ERBB4: variants seen among roughly 807,000 people sequenced by gnomAD.
The protein encoded by ERBB4 is erb-b2 receptor tyrosine kinase 4.
A neutral mutation model predicts 158.0 loss-of-function variants in ERBB4; 42 were observed. The observed-to-expected ratio is 0.27, with a 90% CI of 0.21 to 0.34. ERBB4 has a LOEUF of 0.34. Among genes scored for constraint, ERBB4 ranks in the 10% least tolerant of loss-of-function variants. The pLI is 1.00. For missense variants in ERBB4, 1,333 were observed against 1,624.1 expected, an observed-to-expected ratio of 0.82 and a Z score of 3.08; for synonymous variants, 583 against 558.7, an observed-to-expected ratio of 1.04 and a Z score of -0.61.
intron 23 of ERBB4, among the ~76,000 whole-genome samples, chr2:211,423,790 A>G (rs1384962498): frequency 6.6e-6 from 1 of 151,408 alleles, no homozygotes; most frequent in East Asian, 1.9e-4. Context: ...GTAGCCTGAT[A>G]TTTTCCCATA....
chr2:211,609,650 T>C (rs981991589), intron 19 of ERBB4, among the ~76,000 whole-genome samples: 39 of 152,190 alleles, frequency 2.6e-4, no homozygotes, highest in Admixed American at 2.2e-3. Context: ...TCAAGTGATC[T>C]TCTCACCTCA....
chr2:211,915,469 TATTA>T (rs1575370249), intron 3 of ERBB4, among the ~76,000 whole-genome samples: 2 of 143,344 alleles, frequency 1.4e-5, no homozygotes, highest in Admixed American at 6.8e-5. Context: ...CCAATACAAT[TATTA>T]ATTATTTTTA....
chr2:212,310,083 C>T (rs2086972548), intron 1 of ERBB4, among the ~76,000 whole-genome samples: 3 of 150,432 alleles, frequency 2.0e-5, no homozygotes, highest in African/African-American at 7.3e-5. Context: ...CTATAATAAA[C>T]TGCCCCTCAG....
At chr2:211,920,928 G>GTA (rs1263059658) in intron 3 of ERBB4, among the ~76,000 whole-genome samples, 2 of 151,666 alleles carry the variant, frequency 1.3e-5, no homozygotes, top group Non-Finnish European at 2.9e-5. Context: ...TTTGAATTAT[G>GTA]TTTATTAATA....
At chr2:211,843,515 A>G (rs2077521864) in intron 3 of ERBB4, among the ~76,000 whole-genome samples, 1 of 152,026 alleles carries the variant, frequency 6.6e-6, no homozygotes, top group Admixed American at 6.6e-5. Context: ...TGGTATTTTA[A>G]AAGTCCTCTT....
chr2:211,601,428 T>TAAGTTTCCGGATTCA (rs2068796734), intron 19 of ERBB4, among the ~76,000 whole-genome samples: 1 of 151,522 alleles, frequency 6.6e-6, no homozygotes, highest in African/African-American at 2.4e-5. Context: ...CTGAAAGACA[T>TAAGTTTCCGGATTCA]AAGTTTCCGG....
rs144251902 is a variant in ERBB4, at chr2:211,862,080, A to C, written c.422-73921T>G. Among the ~76,000 whole-genome samples the C allele has an allele frequency of 5.9e-3, 892 of 152,326 alleles. 8 individuals are homozygous for C. The highest frequency in any genetic ancestry group is 0.02 in the African/African-American group (845 of 41,588). ...TTTATTTAACCTTGCTGTTACTAAAATATTTAAAGACACAGATAAAAGGTA... is the reference window on the plus strand; with the variant it reads ...TTTATTTAACCTTGCTGTTACTAAACTATTTAAAGACACAGATAAAAGGTA... On this transcript the variant is annotated intron_variant, in intron 3 of 27. Coordinates refer to ENST00000342788, the MANE Select transcript of ERBB4 (RefSeq NM_005235.3).
At chr2:211,627,470 T>A (rs6707492) in intron 17 of ERBB4, among the ~76,000 whole-genome samples, 142,272 of 152,342 alleles carry the variant, frequency 0.93, 66,959 homozygotes, top group East Asian at 1. Context: ...GATAACTTTA[T>A]TCCCTAGAAA....
intron 1 of ERBB4, among the ~76,000 whole-genome samples, chr2:212,411,286 G>T (rs2106487801): frequency 6.6e-6 from 1 of 152,036 alleles, no homozygotes. Context: ...GTCCTTAAAT[G>T]CCTCTTATCA....
At chr2:211,794,489 T>G (rs1346654237) in intron 3 of ERBB4, among the ~76,000 whole-genome samples, 2 of 151,930 alleles carry the variant, frequency 1.3e-5, no homozygotes, top group Non-Finnish European at 2.9e-5. Context: ...AAGCACATAG[T>G]AGAATTTCAA....
chr2:211,391,158 G>GT (rs2062790774), intron 25 of ERBB4, among the ~76,000 whole-genome samples: 1 of 152,100 alleles, frequency 6.6e-6, no homozygotes, highest in South Asian at 2.1e-4. Flanking sequence ...TGTTTTTGCT[G>GT]TTTTTAGTTT....
In ERBB4 at chr2:211,821,327, T is replaced by C. The variant is rs185938039; in HGVS notation, c.422-33168A>G. On this transcript the variant is annotated intron_variant, in intron 3 of 27. Coordinates refer to ENST00000342788, the MANE Select transcript of ERBB4 (RefSeq NM_005235.3). ...AAATTTAACCAAGTAGGTAAAATAA[T>C]TGGACAAGGAAAACTACAAAACACT... Among the ~76,000 whole-genome samples, 295 of 151,730 alleles carry C rather than the reference T, an allele frequency of 1.9e-3. 1 individual carries two copies. Among genetic ancestry groups the C allele is most frequent in the Non-Finnish European group, 2.4e-3 (164 of 67,708 alleles).
intron 1 of ERBB4, among the ~76,000 whole-genome samples, chr2:212,296,249 T>C (rs1408866716): frequency 6.6e-6 from 1 of 151,898 alleles, no homozygotes; most frequent in Non-Finnish European, 1.5e-5. Flanking sequence ...CAGACAGATA[T>C]TGTAGAGTCC....
intron 1 of ERBB4, among the ~76,000 whole-genome samples, chr2:212,261,917 A>G (rs1047412661): frequency 2.0e-5 from 3 of 152,132 alleles, no homozygotes; most frequent in Non-Finnish European, 4.4e-5. Flanking sequence ...AAAAATATAA[A>G]ATTAAATTTA....
chr2:211,877,627 C>T (rs2078542884), intron 3 of ERBB4, among the ~76,000 whole-genome samples: 1 of 151,464 alleles, frequency 6.6e-6, no homozygotes, highest in African/African-American at 2.4e-5. Flanking sequence ...ATGTTTGCTA[C>T]TATACAGTCA....
intron 3 of ERBB4, among the ~76,000 whole-genome samples, chr2:211,919,708 T>C (rs2079804756): frequency 2.0e-5 from 3 of 151,978 alleles, no homozygotes; most frequent in Non-Finnish European, 1.5e-5. Context: ...AATATAAAAG[T>C]GATTAGTGTT....
chr2:211,445,845 A>C (rs975634994), intron 20 of ERBB4, among the ~76,000 whole-genome samples: 1 of 152,116 alleles, frequency 6.6e-6, no homozygotes, highest in Non-Finnish European at 1.5e-5. Flanking sequence ...TGAAATATTT[A>C]TATGATGCAT....
chr2:212,183,787 A>G lies in ERBB4; in HGVS notation c.83-58884T>C, dbSNP rs572393952. Among the ~76,000 whole-genome samples the G allele has an allele frequency of 3.3e-5, 5 of 152,222 alleles. No homozygotes were observed. The East Asian group carries it at 9.7e-4, about 29-fold the overall frequency. The stretch of plus-strand genomic sequence containing the variant: ...GGAAAATCTGCCAAACCAAGTGACC[A>G]TGAAATTCATTTACACATAATTTTA... On this transcript the variant is annotated intron_variant, in intron 1 of 27. Coordinates refer to ENST00000342788, the MANE Select transcript of ERBB4 (RefSeq NM_005235.3).
intron 3 of ERBB4, among the ~76,000 whole-genome samples, chr2:211,883,996 A>G (rs535479432): frequency 3.3e-5 from 5 of 152,314 alleles, no homozygotes; most frequent in African/African-American, 1.2e-4. Flanking sequence ...AGAGAAAATT[A>G]CTTCTCTATT....
Sources: allele counts gnomAD v4.1 joint callset (sites outside exome capture counted in the v4.1 genomes callset), GRCh38; gene constraint gnomAD v4.1.1; transcripts MANE v1.5; gene names NCBI Gene and HGNC (gene_info 2026-07-23, HGNC 2026-07-21).